RBFOX1: variants seen among roughly 807,000 people sequenced by gnomAD.
RBFOX1 encodes the protein RNA binding protein fox-1 homolog 1.
Under a neutral mutation model 57.7 loss-of-function variants are expected in RBFOX1, and 8 were observed. The ratio of observed to expected loss-of-function variants is 0.14; its 90% CI spans 0.08 to 0.25. The LOEUF (loss-of-function observed/expected upper bound fraction) is 0.25. Ranked by LOEUF, RBFOX1 falls within the 10% of genes least tolerant of loss-of-function variation. The pLI is 1.00. For missense variants in RBFOX1, 611 were observed against 548.5 expected, an observed-to-expected ratio of 1.11 and a Z score of -1.14; for synonymous variants, 326 against 222.4, an observed-to-expected ratio of 1.47 and a Z score of -4.15.
rs942605731 is a variant in RBFOX1, at chr16:5,296,395, C to T, written c.219+56290C>T. On this transcript the variant is annotated intron_variant, in intron 1 of 2. Transcript: ENST00000585867. ...TGCATCCTCACTGCATTCAAATTTC[C>T]CACTTGGGAGATGTTTACATCCCCA... 2.0e-5 allele frequency among the ~76,000 whole-genome samples: 3 copies of T among 152,092 alleles called. No homozygotes were observed. The South Asian group carries it at 6.2e-4, about 32-fold the overall frequency.
intron 3 of RBFOX1, among the ~76,000 whole-genome samples, chr16:6,804,218 C>A (rs1401304001): frequency 6.6e-6 from 1 of 151,750 alleles, no homozygotes; most frequent in African/African-American, 2.4e-5. Flanking sequence ...CTTTGTTGGC[C>A]AGGCTGGACT....
At chr16:6,945,264 C>T (rs1393218794) in intron 3 of RBFOX1, among the ~76,000 whole-genome samples, 2 of 152,056 alleles carry the variant, frequency 1.3e-5, no homozygotes, top group Non-Finnish European at 2.9e-5. Flanking sequence ...AGTCATGTGA[C>T]CTCTGTTAGC....
chr16:5,911,051 T>C (rs1005485611), intron 4 of RBFOX1, among the ~76,000 whole-genome samples: 2 of 152,190 alleles, frequency 1.3e-5, no homozygotes, highest in African/African-American at 4.8e-5. Context: ...AATAAACTAC[T>C]TGTGCTTGGA....
intron 2 of RBFOX1, among the ~76,000 whole-genome samples, chr16:6,484,998 C>T (rs2095444175): frequency 6.6e-6 from 1 of 152,150 alleles, no homozygotes; most frequent in South Asian, 2.1e-4. Flanking sequence ...ACTGTGTTCC[C>T]TATTTTTTGA....
chr16:7,685,516 T>C (rs1360782657), intron 14 of RBFOX1, among the ~76,000 whole-genome samples: 1 of 152,082 alleles, frequency 6.6e-6, no homozygotes, highest in Admixed American at 6.6e-5. Flanking sequence ...ACCCTCAGTT[T>C]TTTCCTATGC....
intron 3 of RBFOX1, among the ~76,000 whole-genome samples, chr16:6,839,318 A>G (rs1396932322): frequency 6.6e-6 from 1 of 152,132 alleles, no homozygotes; most frequent in Non-Finnish European, 1.5e-5. Flanking sequence ...CAGTCTGAAA[A>G]CGATAACTCC....
At chr16:7,037,957 A>T (rs770555761) in intron 3 of RBFOX1, among the ~76,000 whole-genome samples, 3 of 152,208 alleles carry the variant, frequency 2.0e-5, no homozygotes, top group African/African-American at 7.2e-5. Flanking sequence ...TTATTATTAG[A>T]GCTCTGTAAT....
At chr16:7,083,250 A>G (rs1428430709) in intron 4 of RBFOX1, among the ~76,000 whole-genome samples, 1 of 151,914 alleles carries the variant, frequency 6.6e-6, no homozygotes, top group Non-Finnish European at 1.5e-5. Context: ...AGGGATTGTA[A>G]CACCTCCCAC....
At chr16:5,406,617 C>G (rs1361409276) in intron 1 of RBFOX1, among the ~76,000 whole-genome samples, 2 of 152,098 alleles carry the variant, frequency 1.3e-5, no homozygotes, top group African/African-American at 4.8e-5. Context: ...TATTCACACA[C>G]ACGTGTATAT....
At chr16:5,597,478 C>T (rs374049099) in intron 2 of RBFOX1, among the ~76,000 whole-genome samples, 1 of 147,568 alleles carries the variant, frequency 6.8e-6, no homozygotes, top group East Asian at 2.0e-4. Flanking sequence ...TGGCTCACTG[C>T]AACCTGTACC....
chr16:7,567,619 C>CTATA (rs368067278), intron 5 of RBFOX1, among the ~76,000 whole-genome samples: 2,278 of 25,120 alleles, frequency 0.091, 207 homozygotes, highest in Middle Eastern at 0.25. Flanking sequence ...TTATATGGCC[C>CTATA]TATATATATA....
intron 4 of RBFOX1, among the ~76,000 whole-genome samples, chr16:7,066,449 C>A (rs1438639430): frequency 6.6e-6 from 1 of 152,142 alleles, no homozygotes; most frequent in African/African-American, 2.4e-5. Flanking sequence ...TGAGGCCCAA[C>A]CTTTGTAGGA....
chr16:5,808,688 A>T (rs1329746000), intron 3 of RBFOX1, among the ~76,000 whole-genome samples: 3 of 152,242 alleles, frequency 2.0e-5, no homozygotes, highest in Non-Finnish European at 4.4e-5. Flanking sequence ...GCAATTGTGA[A>T]TGGGAGTTCA....
At chr16:6,797,412 G>C (rs142149175) in intron 3 of RBFOX1, among the ~76,000 whole-genome samples, 218 of 152,242 alleles carry the variant, frequency 1.4e-3, no homozygotes, top group Non-Finnish European at 2.5e-3. Flanking sequence ...GAAAGGGGGA[G>C]AGAGATAGAG....
intron 3 of RBFOX1, among the ~76,000 whole-genome samples, chr16:6,780,214 T>TATATTTAC (rs2080546641): frequency 2.5e-5 from 2 of 80,332 alleles, no homozygotes; most frequent in Non-Finnish European, 4.0e-5. Context: ...TATATTTATA[T>TATATTTAC]ATATTTATAT....
At chr16:7,424,179 T>C (rs2098581284) in intron 4 of RBFOX1, among the ~76,000 whole-genome samples, 1 of 152,090 alleles carries the variant, frequency 6.6e-6, no homozygotes, top group Non-Finnish European at 1.5e-5. Context: ...AGCAGATTTT[T>C]GTCATTTTTT....
At chr16:7,056,679 G>T (rs2052393040) in intron 4 of RBFOX1, among the ~76,000 whole-genome samples, 1 of 152,166 alleles carries the variant, frequency 6.6e-6, no homozygotes, top group Non-Finnish European at 1.5e-5. Context: ...CCACCTTTCT[G>T]AGCACTCATA....
intron 4 of RBFOX1, among the ~76,000 whole-genome samples, chr16:7,250,153 C>A (rs531622312): frequency 1.3e-5 from 2 of 152,100 alleles, no homozygotes; most frequent in East Asian, 3.9e-4. Flanking sequence ...TATTGATTTT[C>A]GAGAGAAGTA....
intron 3 of RBFOX1, among the ~76,000 whole-genome samples, chr16:5,666,853 G>T (rs1229799810): frequency 6.6e-6 from 1 of 152,184 alleles, no homozygotes; most frequent in African/African-American, 2.4e-5. Context: ...AGCCCCAGGA[G>T]GATGAGTCTT....
Sources: allele counts gnomAD v4.1 joint callset (sites outside exome capture counted in the v4.1 genomes callset), GRCh38; gene constraint gnomAD v4.1.1; transcripts MANE v1.5; gene names NCBI Gene and HGNC (gene_info 2026-07-23, HGNC 2026-07-21).